Variants in USP43 observed in about 807,000 individuals in gnomAD.
USP43 encodes ubiquitin carboxyl-terminal hydrolase 43.
A neutral mutation model predicts 90.7 loss-of-function variants in USP43; 33 were observed. That is an observed-to-expected ratio of 0.36 (90% CI 0.28 to 0.49). The LOEUF (loss-of-function observed/expected upper bound fraction) is 0.49, where lower values mean the gene tolerates loss of function less well. Among genes scored for constraint, USP43 ranks in the 20% least tolerant of loss-of-function variants. The pLI is 0.98. For missense variants in USP43, 1,274 were observed against 1,476.4 expected (o/e 0.86, Z 2.25); for synonymous variants, 598 against 615.8 (o/e 0.97, Z 0.43).
rs1007491238 is a variant in USP43, at chr17:9,712,135, A to G, written c.2335+3A>G. 1 of 1,571,902 alleles carries G rather than the reference A, an allele frequency of 6.4e-7. No individual in the cohort carries two copies. Among genetic ancestry groups the G allele is most frequent in the African/African-American group, 1.4e-5 (1 of 73,320 alleles). On this transcript the variant is annotated splice_donor_region_variant and intron_variant, in intron 14 of 14. Coordinates refer to ENST00000285199, the MANE Select transcript of USP43 (RefSeq NM_153210.5). ...CAGCCTCTGCAATCAGGAAAAGGGT[A>G]TGTTGGTTAAATGTGCTTGGTTGAT...
intron 1 of USP43, among the ~76,000 whole-genome samples, chr17:9,655,348 T>C (rs1346206935): frequency 6.6e-6 from 1 of 152,218 alleles, no homozygotes; most frequent in Non-Finnish European, 1.5e-5. Flanking sequence ...CTCACACATG[T>C]ATAGCAAAAG....
chr17:9,649,093 C>T (rs1171080293), intron 1 of USP43, among the ~76,000 whole-genome samples: 2 of 151,884 alleles, frequency 1.3e-5, no homozygotes, highest in African/African-American at 2.4e-5. Flanking sequence ...TGGGCTCAAG[C>T]GATCCTCCTA....
At chr17:9,655,084 G>GAAAAAAAAAAAAA (rs57985388) in intron 1 of USP43, among the ~76,000 whole-genome samples, 1 of 37,324 alleles carries the variant, frequency 2.7e-5, no homozygotes, top group African/African-American at 6.7e-5. Flanking sequence ...AGAAAGAAAG[G>GAAAAAAAAAAAAA]AAAAAAAAAA....
intron 1 of USP43, among the ~76,000 whole-genome samples, chr17:9,653,359 G>A (rs1219013544): frequency 8.3e-6 from 1 of 120,016 alleles, no homozygotes; most frequent in African/African-American, 2.8e-5. Context: ...AGGCCGAGGC[G>A]GGTGGATCAC....
intron 1 of USP43, among the ~76,000 whole-genome samples, chr17:9,652,553 G>A (rs1428619607): frequency 6.6e-6 from 1 of 151,922 alleles, no homozygotes; most frequent in South Asian, 2.1e-4. Flanking sequence ...AGTAGAGACG[G>A]GGTTTCACCT....
intron 14 of USP43, among the ~76,000 whole-genome samples, chr17:9,719,239 A>G (rs1469586948): frequency 2.6e-5 from 4 of 152,242 alleles, no homozygotes; most frequent in Non-Finnish European, 5.9e-5. Flanking sequence ...TTAACGGCAA[A>G]GTACCTCAGG....
Position 9,646,092 on chromosome 17 carries a change from C to A in USP43, c.460C>A (p.Leu154Ile). 6.7e-7 allele frequency: 1 copy of A among 1,503,344 alleles called. No homozygotes were observed. Among genetic ancestry groups the A allele is most frequent in the Non-Finnish European group, 8.9e-7 (1 of 1,126,828 alleles). The allele number at this position is 1,503,344 out of a possible 1,614,324, so 93.1% of individuals were successfully genotyped here. A position where few individuals can be genotyped will look rare whatever the true frequency, so the allele number is the denominator to read the frequency against. Residue 154 changes from leucine to isoleucine, a missense_variant, in exon 1 of 15, where the codon CTC becomes ATC. Around this residue, in one of 6 missense-constraint regions of USP43, gnomAD observed 259 missense variants for 373.7 expected, o/e 0.69. Transcript: ENST00000285199. ...GCAGCTGGCGGCGCTGGTGCGCGCG[C>A]TCTGGACTCGCGAATACACGCCCCA... ...TEQLAALVRA[L>I]WTREYTPQLS...
chr17:9,711,412 T>C (rs981337188), intron 13 of USP43, among the ~76,000 whole-genome samples: 5 of 152,250 alleles, frequency 3.3e-5, no homozygotes, highest in African/African-American at 1.2e-4. Flanking sequence ...CATACTTTCC[T>C]TTGTTGTTGT....
chr17:9,680,437 T>A lies in USP43; in HGVS notation c.1105+71T>A, dbSNP rs1914090907. 2.6e-6 allele frequency: 4 copies of A among 1,554,914 alleles called. No homozygotes were observed. In the East Asian group the frequency reaches 9.0e-5, roughly 35 times the overall value. On this transcript the variant is annotated intron_variant, in intron 6 of 14. Transcript: ENST00000285199. ...CAGGTTTCAGAGGATACTCCTTGGG[T>A]GCAAAGGCATAAAACATCCAATTTT...
At chr17:9,725,542 A>G (rs913644535) in intron 14 of USP43, among the ~76,000 whole-genome samples, 4 of 152,008 alleles carry the variant, frequency 2.6e-5, no homozygotes, top group African/African-American at 9.7e-5. Flanking sequence ...TTATTTCTCA[A>G]TTTTATTAAA....
At chr17:9,670,107 C>T (rs925240742) in intron 3 of USP43, among the ~76,000 whole-genome samples, 4 of 149,798 alleles carry the variant, frequency 2.7e-5, no homozygotes, top group East Asian at 3.9e-4. Context: ...GGCGCAGTCT[C>T]GGCTCACTGC....
intron 9 of USP43, among the ~76,000 whole-genome samples, chr17:9,693,793 G>A (rs1050444893): frequency 1.3e-5 from 2 of 152,112 alleles, no homozygotes; most frequent in Non-Finnish European, 2.9e-5. Context: ...AGCCGAGATC[G>A]CGCCACTGCA....
rs1440169586 is a variant in USP43 at position 9,728,853 on chromosome 17, G to C, written c.3235G>C (p.Ala1079Pro). Residue 1079 changes from alanine to proline, a missense_variant, in exon 15 of 15, where the codon GCC becomes CCC. By Grantham distance (27) the Ala-to-Pro change is conservative. Coordinates refer to ENST00000285199, the MANE Select transcript of USP43 (RefSeq NM_153210.5). This position sits in a 1 kb window ranked among gnomAD's most constrained non-coding sequence, Gnocchi z 6.2. ...CCGCCTCCCTCGTAAAGCCAGCAGG[G>C]CCCCGAGAGGCAGTGCACTGGGCAT... is the stretch of plus-strand genomic sequence containing the variant. ...SLRLPRKASR[A>P]PRGSALGMSQ... is the part of the protein sequence containing the mutation. The C allele has an allele frequency of 1.9e-6, 3 of 1,613,830 alleles. No homozygotes were observed. In the Admixed American group the frequency reaches 5.0e-5, roughly 27 times the overall value.
chr17:9,692,904 CAT>C (rs1194284524), intron 8 of USP43, among the ~76,000 whole-genome samples: 1 of 152,044 alleles, frequency 6.6e-6, no homozygotes, highest in Non-Finnish European at 1.5e-5. Context: ...GAAGATGTAA[CAT>C]ATTAAACACA....
rs1199235975 is a variant in USP43, at chr17:9,666,691, C to T, written c.680C>T (p.Pro227Leu). The T allele has an allele frequency of 6.2e-7, 1 of 1,613,496 alleles. No individual in the cohort carries two copies. The highest frequency in any genetic ancestry group is 1.1e-5 in the South Asian group (1 of 90,894). ...ATKTSENCLS[P>L]SAQLPLGQSF... ...AAAACCTCTGAGAACTGCCTGTCAC[C>T]ATCAGCTCAGCTTCCTCTAGGTCAA... is the stretch of plus-strand genomic sequence containing the variant. Residue 227 changes from proline to leucine, a missense_variant, in exon 3 of 15, where the codon CCA becomes CTA. Pro to Leu is a moderately conservative substitution (Grantham distance 98). This residue lies in a region of USP43 where 259 missense variants were observed against 373.7 expected (regional missense o/e 0.69). Transcript: ENST00000285199.
At chr17:9,691,613 A>G (rs977203312) in intron 8 of USP43, among the ~76,000 whole-genome samples, 1 of 152,128 alleles carries the variant, frequency 6.6e-6, no homozygotes, top group African/African-American at 2.4e-5. Flanking sequence ...TAAAGGTTAT[A>G]TGGTAGTTCA....
chr17:9,649,475 C>T (rs1911704843), intron 1 of USP43, among the ~76,000 whole-genome samples: 1 of 151,856 alleles, frequency 6.6e-6, no homozygotes, highest in Admixed American at 6.6e-5. Flanking sequence ...GCCCTGTCAC[C>T]CAGATAGTGA....
In USP43 at chr17:9,707,429, G is replaced by A. The variant is rs138831437; in HGVS notation, c.2012-2527G>A. On this transcript the variant is annotated intron_variant, in intron 12 of 14. Coordinates refer to ENST00000285199, the MANE Select transcript of USP43 (RefSeq NM_153210.5). ...TGGGAGGCCGAGGTGGGCGGACCAC[G>A]AGGTCAGGAGATCAAGACCATCCTG... Among the ~76,000 whole-genome samples the A allele has an allele frequency of 2.6e-3, 393 of 152,154 alleles. 1 individual carries two copies. The highest frequency in any genetic ancestry group is 5.1e-3 in the Admixed American group (78 of 15,280).
rs113355225 is a variant in USP43 at position 9,647,970 on chromosome 17, G to C, written c.504+1834G>C. ...TGGGAGGCGGAGCTTGCAGTGAGCC[G>C]AGATTGCGCCACTGCACTCCAGCCT... On this transcript the variant is annotated intron_variant, in intron 1 of 14. Coordinates refer to ENST00000285199, the MANE Select transcript of USP43 (RefSeq NM_153210.5). Among the ~76,000 whole-genome samples, 45 of 152,214 alleles carry C rather than the reference G, an allele frequency of 3.0e-4. 1 individual carries two copies. The highest frequency in any genetic ancestry group is 1.0e-3 in the African/African-American group (42 of 41,518).
Sources: allele counts gnomAD v4.1 joint callset (sites outside exome capture counted in the v4.1 genomes callset), GRCh38; gene constraint gnomAD v4.1.1; regional missense constraint gnomAD v4.1.1; non-coding constraint Gnocchi (gnomAD v3.1); transcripts MANE v1.5; gene names NCBI Gene and HGNC (gene_info 2026-07-23, HGNC 2026-07-21).